The following CARS2 variants were observed in gnomAD, a reference collection of about 807,000 sequenced individuals.
CARS2 encodes cysteinyl-tRNA synthetase 2, mitochondrial.
CARS2 carries 52 observed loss-of-function variants against 68.8 expected under a neutral mutation model. The observed-to-expected ratio is 0.76, with a 90% confidence interval of 0.61 to 0.95. The LOEUF (loss-of-function observed/expected upper bound fraction) is 0.95. CARS2 is among the 40% of genes least tolerant of loss of function. The pLI is 0.00. For synonymous variants in CARS2, 314 were observed against 303.6 expected, an observed-to-expected ratio of 1.03 and a Z score of -0.36; for missense variants, 780 against 754.2, an observed-to-expected ratio of 1.03 and a Z score of -0.40.
intron 3 of CARS2, among the ~76,000 whole-genome samples, chr13:110,689,333 T>C (rs2063391672): frequency 6.6e-6 from 1 of 152,150 alleles, no homozygotes; most frequent in South Asian, 2.1e-4. Context: ...GGGAACCAAG[T>C]CTCCCCATTT....
Position 110,642,301 on chromosome 13 carries a change from G to T in CARS2, c.1623+14C>A. 1.3e-6 allele frequency: 2 copies of T among 1,542,980 alleles called. No homozygotes were observed. The highest frequency in any genetic ancestry group is 1.8e-6 in the Non-Finnish European group (2 of 1,141,250). On this transcript the variant is annotated intron_variant, in intron 14 of 14. Transcript: ENST00000257347. ...CTCCTGGGGTGATGTCCCTGACCTT[G>T]GTGCGGCACTCACCTTGATGTTGAT...
rs1189856242 is a variant in CARS2, at chr13:110,653,585, A to T, written c.988-2485T>A. On this transcript the variant is annotated intron_variant, in intron 9 of 14. Coordinates refer to ENST00000257347, the MANE Select transcript of CARS2 (RefSeq NM_024537.4). The surrounding 1 kb of genome is among the most constrained non-coding windows in gnomAD (Gnocchi z 5.6). ...CAAAGGGGTTTTCCTCTCAGAATGT[A>T]AACGCATGCAGAATTAGCCTCAATG... Among the ~76,000 whole-genome samples the T allele has an allele frequency of 2.0e-5, 3 of 152,214 alleles. No homozygotes were observed. Among genetic ancestry groups the T allele is most frequent in the African/African-American group, 7.2e-5 (3 of 41,450 alleles).
rs778989106 is a variant in CARS2 at position 110,663,416 on chromosome 13, G to A, written c.987+35C>T. 1.7e-5 allele frequency: 27 copies of A among 1,595,338 alleles called. 1 individual carries two copies. The highest frequency in any genetic ancestry group is 6.8e-5 in the South Asian group (6 of 88,668). On this transcript the variant is annotated intron_variant, in intron 9 of 14. Coordinates refer to ENST00000257347, the MANE Select transcript of CARS2 (RefSeq NM_024537.4). Reference sequence around the variant, plus strand: ...TTTAAGATGGGTTCCACAAGCTATCGGCACCTCAGAGATACAATACAAAAA... The same window carrying A: ...TTTAAGATGGGTTCCACAAGCTATCAGCACCTCAGAGATACAATACAAAAA...
At chr13:110,710,959 T>A (rs1383145253), upstream of CARS2, among the ~76,000 whole-genome samples, 6 of 151,808 alleles carry the variant, frequency 4.0e-5, no homozygotes. Flanking sequence ...AAAGAAAACC[T>A]AGGTTAAACT....
intron 9 of CARS2, chr13:110,662,944 CGTGGGT>C (rs2062548825): frequency 2.2e-6 from 1 of 454,424 alleles, no homozygotes; most frequent in South Asian, 1.6e-5. Context: ...CAGAGCCCTC[CGTGGGT>C]GTGCCTGTTT....
In CARS2 at chr13:110,642,245, T is replaced by A; in HGVS notation, c.1623+70A>T. The stretch of plus-strand genomic sequence containing the variant: ...TGGTCACGGGGGATGTCTGGGCCTC[T>A]GATGGCCCCACGTCCTGTTGACCTA... On this transcript the variant is annotated intron_variant, in intron 14 of 14. Transcript: ENST00000257347. The A allele has an allele frequency of 4.1e-6, 5 of 1,228,550 alleles. No individual in the cohort carries two copies. In the South Asian group the frequency reaches 6.6e-5, roughly 16 times the overall value. The allele number at this position is 1,228,550 out of a possible 1,614,324, so 76.1% of individuals were successfully genotyped here.
Position 110,642,398 on chromosome 13 carries a change from G to A in CARS2, c.1540C>T (p.Gln514Ter), listed in dbSNP as rs953211656. Residue 514 changes from glutamine to a stop codon, truncating the protein, a stop_gained, in exon 14 of 15, where the codon CAG becomes TAG. Transcript: ENST00000257347. LOFTEE classifies it high-confidence loss of function. ...AGGGGCTGCCTTTCTAGGAGCTGCT[G>A]CCGCCGGGCGTCCCCCGTGGCCTCG... ...MPEATGDARR[Q>*]QLLERQPLLE... 2 of 1,576,484 alleles carry A rather than the reference G, an allele frequency of 1.3e-6. No homozygotes were observed. The highest frequency in any genetic ancestry group is 1.2e-5 in the South Asian group (1 of 86,482).
At chr13:110,693,595 G>A (rs568952797) in intron 3 of CARS2, among the ~76,000 whole-genome samples, 5 of 152,158 alleles carry the variant, frequency 3.3e-5, no homozygotes, top group South Asian at 2.1e-4. Flanking sequence ...TCCTGACCTC[G>A]TGATCCACCT....
At chr13:110,644,066 G>A (rs1171957577) in intron 13 of CARS2, 1 of 1,278,510 alleles carries the variant, frequency 7.8e-7, no homozygotes, top group African/African-American at 1.5e-5. Context: ...TTCTCTTACT[G>A]TGCCTGTGAC....
At chr13:110,713,339 G>T (rs2064060766) in exon 1 of CARS2, 2 of 1,110,480 alleles carry the variant, frequency 1.8e-6, no homozygotes, top group African/African-American at 1.6e-5. Flanking sequence ...GGCCCGTTAG[G>T]TCCTGGTCGG....
intron 6 of CARS2, among the ~76,000 whole-genome samples, chr13:110,679,650 C>CGGAG (rs571685789): frequency 0.58 from 25,153 of 43,070 alleles, 7,634 homozygotes; most frequent in Non-Finnish European, 0.68. Flanking sequence ...CGGGCGTGAC[C>CGGAG]GGAGGGAGGG....
At chr13:110,707,116 C>T (rs1045405344), upstream of CARS2, among the ~76,000 whole-genome samples, 5 of 151,818 alleles carry the variant, frequency 3.3e-5, no homozygotes, top group African/African-American at 1.2e-4. Flanking sequence ...AGTGTGCACC[C>T]CAACACAGCA....
chr13:110,660,378 C>T (rs923167518), intron 9 of CARS2, among the ~76,000 whole-genome samples: 21 of 152,238 alleles, frequency 1.4e-4, no homozygotes, highest in African/African-American at 4.8e-4. Flanking sequence ...TTACTGGCAT[C>T]TAGAATGGTG....
Position 110,665,589 on chromosome 13 carries a change from G to A in CARS2, c.919+1751C>T, listed in dbSNP as rs2139757988. The A allele has an allele frequency of 3.0e-6, 3 of 985,376 alleles. No individual in the cohort carries two copies. Among genetic ancestry groups the A allele is most frequent in the Non-Finnish European group, 1.2e-6 (1 of 829,974 alleles). 61.0% of individuals were successfully genotyped at this position (985,376 alleles called of 1,614,324 possible). On this transcript the variant is annotated intron_variant, in intron 8 of 14. Transcript: ENST00000257347. The surrounding 1 kb of genome is among the most constrained non-coding windows in gnomAD (Gnocchi z 4.3). ...CTTCTTGCCCCCCAGCTCCACACTC[G>A]CAGAAGGGCTCACAGCAGGTCATGG...
Position 110,705,715 on chromosome 13 carries a change from C to T in CARS2, c.225-144G>A, listed in dbSNP as rs1353033238. ...GGTTTTCATACTTGCTCAATTCACA[C>T]CCAAACCTGCAAAAGCACCGCGCAC... is the stretch of plus-strand genomic sequence containing the variant. On this transcript the variant is annotated intron_variant, in intron 1 of 14. Transcript: ENST00000257347. The surrounding 1 kb of genome is among the most constrained non-coding windows in gnomAD (Gnocchi z 4.0). 3.3e-6 allele frequency: 5 copies of T among 1,530,192 alleles called. No individual in the cohort carries two copies. The highest frequency in any genetic ancestry group is 3.5e-6 in the Non-Finnish European group (4 of 1,134,202). 94.8% of individuals were successfully genotyped at this position (1,530,192 alleles called of 1,614,324 possible). A position where few individuals can be genotyped will look rare whatever the true frequency, so the allele number is the denominator to read the frequency against.
chr13:110,649,931 C>CTG lies in CARS2; in HGVS notation c.1054+1102_1054+1103insCA, dbSNP rs1249270267. 1.5e-4 allele frequency among the ~76,000 whole-genome samples: 11 copies of CTG among 73,148 alleles called. 1 individual carries two copies. In the South Asian group the frequency reaches 4.1e-3, roughly 27 times the overall value. The allele number at this position is 73,148 out of a possible 152,430, so 48.0% of individuals were successfully genotyped here. On this transcript the variant is annotated intron_variant, in intron 10 of 14. Transcript: ENST00000257347. ...CCAGGGATGCAGCTCTGGATAACGA[C>CTG]TTTTTTTTTTTTTTTTTTTTTTTTG...
At position 110,663,557 on chromosome 13, in the gene CARS2, A is replaced by G. The variant is rs750484911; in HGVS notation, c.920-39T>C. On this transcript the variant is annotated intron_variant, in intron 8 of 14. Coordinates refer to ENST00000257347, the MANE Select transcript of CARS2 (RefSeq NM_024537.4). ...AAAAGCATTCAGTCTGAGCTGGGTGAGGAGACTCTCTGGCCTCAGGGACAC... is the reference window on the plus strand; with the variant it reads ...AAAAGCATTCAGTCTGAGCTGGGTGGGGAGACTCTCTGGCCTCAGGGACAC... 1.9e-5 allele frequency: 30 copies of G among 1,606,668 alleles called. No individual in the cohort carries two copies. In the East Asian group the frequency reaches 6.5e-4, roughly 35 times the overall value.
intron 3 of CARS2, among the ~76,000 whole-genome samples, chr13:110,697,211 C>T (rs933809711): frequency 9.9e-5 from 15 of 152,252 alleles, no homozygotes; most frequent in African/African-American, 3.4e-4. Context: ...CATTTCCAAA[C>T]ACCACCTCTG....
rs201474441 is a variant in CARS2 at position 110,660,763 on chromosome 13, CT to C, written c.987+2687del. Among the ~76,000 whole-genome samples the C allele has an allele frequency of 8.5e-3, 1,124 of 132,818 alleles. 19 individuals are homozygous for C. The highest frequency in any genetic ancestry group is 0.029 in the African/African-American group (1,040 of 35,408). 87.1% of individuals were successfully genotyped at this position (132,818 alleles called of 152,430 possible). ...CAGGGAGAGTACACTTAGCATAATT[CT>C]TTTTTTTTTTTTTTTTTGAGATGGA... is the stretch of plus-strand genomic sequence containing the variant. On this transcript the variant is annotated intron_variant, in intron 9 of 14. Transcript: ENST00000257347.
Sources: gnomAD v4.1 joint callset for allele counts (sites outside exome capture counted in the v4.1 genomes callset) on GRCh38, gnomAD v4.1.1 for gene constraint, Gnocchi (gnomAD v3.1) non-coding constraint, MANE v1.5 for transcripts, NCBI Gene and HGNC (gene_info 2026-07-23, HGNC 2026-07-21) for gene names.